Variants in RBL1 observed in about 807,000 individuals in gnomAD.
The protein encoded by RBL1 is retinoblastoma-like protein 1.
Under a neutral mutation model 123.0 loss-of-function variants are expected in RBL1, and 82 were observed. The observed-to-expected ratio is 0.67, with a 90% CI of 0.56 to 0.80. The LOEUF (loss-of-function observed/expected upper bound fraction) is 0.80. Among genes scored for constraint, RBL1 ranks in the 30% least tolerant of loss-of-function variants. The probability of loss-of-function intolerance (pLI) is 0.00; values close to 1 mark genes in which losing one functional copy is unlikely to be tolerated. For synonymous variants in RBL1, 405 were observed against 441.3 expected, an observed-to-expected ratio of 0.92 and a Z score of 1.03; for missense variants, 1,171 against 1,299.6, an observed-to-expected ratio of 0.90 and a Z score of 1.52.
In RBL1 at chr20:37,032,739, T is replaced by C. The variant is rs754070719; in HGVS notation, c.2308A>G (p.Lys770Glu). The C allele has an allele frequency of 2.5e-6, 4 of 1,614,126 alleles. No homozygotes were observed. In the African/African-American group the frequency reaches 4.0e-5, roughly 16 times the overall value. The change falls in exon 16 of 22, where the codon AAA (lysine) becomes GAA (glutamate). Residue 770 changes from lysine to glutamate, a missense_variant. By Grantham distance (56) the Lys-to-Glu change is moderately conservative (BLOSUM62 1). Coordinates refer to ENST00000373664, the MANE Select transcript of RBL1 (RefSeq NM_002895.5). Reference protein sequence around the residue: ...GASPKQTNLTKAQEVHSTGIN... With the variant: ...GASPKQTNLTEAQEVHSTGIN... Reference sequence around the variant, plus strand: ...CCAGTTGAATGTACCTCTTGTGCTTTAGTCAGATTGGTCTGTTTTGGAGAA... The same window carrying C: ...CCAGTTGAATGTACCTCTTGTGCTTCAGTCAGATTGGTCTGTTTTGGAGAA...
At chr20:37,055,866 T>G (rs950584735) in intron 10 of RBL1, among the ~76,000 whole-genome samples, 3 of 152,014 alleles carry the variant, frequency 2.0e-5, no homozygotes, top group Non-Finnish European at 4.4e-5. Flanking sequence ...CTAACCAACA[T>G]GGTGAAACTC....
chr20:37,058,070 C>T (rs551969433), intron 9 of RBL1, among the ~76,000 whole-genome samples: 16 of 143,422 alleles, frequency 1.1e-4, no homozygotes, highest in Non-Finnish European at 1.5e-4. Context: ...GGCTGCAGAT[C>T]GGGCCATTGT....
At chr20:37,005,614 G>T (rs1013693849) in intron 20 of RBL1, among the ~76,000 whole-genome samples, 5 of 152,110 alleles carry the variant, frequency 3.3e-5, no homozygotes, top group African/African-American at 1.2e-4. Context: ...AAATGGAAAA[G>T]ATTTATAAAT....
At chr20:37,020,556 C>A in intron 18 of RBL1, 103 bp downstream of exon 18, 1 of 793,144 alleles carries the variant, frequency 1.3e-6, no homozygotes, top group South Asian at 1.7e-5. Context: ...AACAGAAAAT[C>A]TGAAGTATAT....
intron 7 of RBL1, among the ~76,000 whole-genome samples, chr20:37,063,455 C>T (rs540442531): frequency 6.6e-6 from 1 of 152,128 alleles, no homozygotes; most frequent in African/African-American, 2.4e-5. Flanking sequence ...TAGAGACCAG[C>T]CTGGGCAACA....
chr20:37,007,350 A>G, intron 20 of RBL1, 61 bp downstream of exon 20: 1 of 1,542,272 alleles, frequency 6.5e-7, no homozygotes, highest in African/African-American at 1.4e-5. Flanking sequence ...TAGCAAAATA[A>G]ACTTATAGTA....
chr20:37,055,583 T>G lies in RBL1; in HGVS notation c.1437A>C (p.Glu479Asp). The change falls in exon 11 of 22, where the codon GAA becomes GAC. Residue 479 changes from glutamate (E) to aspartate (D), a missense_variant. Transcript: ENST00000373664. Reference protein sequence around the residue: ...YKILETVMVQETRRLHGMDMS... With the variant: ...YKILETVMVQDTRRLHGMDMS... ...TGTCCATTCCATGAAGTCTTCGTGT[T>G]TCCTGAACCATTACAGTCTCTAGTA... The G allele has an allele frequency of 6.2e-7, 1 of 1,614,164 alleles. No homozygotes were observed. The highest frequency in any genetic ancestry group is 8.5e-7 in the Non-Finnish European group (1 of 1,180,028).
intron 19 of RBL1, among the ~76,000 whole-genome samples, chr20:37,009,016 T>C (rs1174697878): frequency 6.6e-6 from 1 of 152,102 alleles, no homozygotes; most frequent in African/African-American, 2.4e-5. Flanking sequence ...ATAGTCTCTC[T>C]TCCCCCAAAA....
rs189141245 is a variant in RBL1 at position 37,060,065 on chromosome 20, G to A, written c.1250+1038C>T. ...CGCACGCCTGTAATCCCAGCTACTC[G>A]GGAGGCTGAGGCAGGAGAATCACTT... On this transcript the variant is annotated intron_variant, in intron 9 of 21. Coordinates refer to ENST00000373664, the MANE Select transcript of RBL1 (RefSeq NM_002895.5). Among the ~76,000 whole-genome samples, 335 of 151,964 alleles carry A rather than the reference G, an allele frequency of 2.2e-3. 1 individual carries two copies. The highest frequency in any genetic ancestry group is 7.8e-3 in the African/African-American group (323 of 41,462).
At chr20:37,049,473 T>C in intron 11 of RBL1, 1 of 754,536 alleles carries the variant, frequency 1.3e-6, no homozygotes, top group African/African-American at 1.7e-5. Context: ...ATGGTGGTGC[T>C]AAGAAAAGGA....
chr20:37,048,886 G>A (rs957170415), intron 11 of RBL1, among the ~76,000 whole-genome samples: 1 of 146,110 alleles, frequency 6.8e-6, no homozygotes, highest in African/African-American at 2.6e-5. Context: ...GCAACATAGC[G>A]AGACACCATC....
rs565300148 is a variant in RBL1 at position 37,052,318 on chromosome 20, G to A, written c.1467+3235C>T. Among the ~76,000 whole-genome samples, 4 of 151,538 alleles carry A rather than the reference G, an allele frequency of 2.6e-5. No homozygotes were observed. The South Asian group carries it at 6.2e-4, about 24-fold the overall frequency. On this transcript the variant is annotated intron_variant, in intron 11 of 21. Transcript: ENST00000373664. ...AGTGCTGGGATTACAGGCGTGAGCC[G>A]CCGTGCCCAGCCTTATTTATTTATT...
intron 19 of RBL1, among the ~76,000 whole-genome samples, chr20:37,015,439 T>G (rs6030758): frequency 0.3 from 45,234 of 151,414 alleles, 8,313 homozygotes; most frequent in African/African-American, 0.51. Context: ...TGTTGTTGTT[T>G]TTTTTTTTTG....
At chr20:37,022,518 G>C (rs2146229631) in intron 17 of RBL1, 132 bp downstream of exon 17, 1 of 764,006 alleles carries the variant, frequency 1.3e-6, no homozygotes, top group South Asian at 2.5e-5. Flanking sequence ...ATAGAGATGA[G>C]GTTTCACCAT....
intron 9 of RBL1, among the ~76,000 whole-genome samples, chr20:37,058,382 G>A (rs1458966486): frequency 6.6e-6 from 1 of 151,874 alleles, no homozygotes; most frequent in African/African-American, 2.4e-5. Flanking sequence ...TGGGCATGGT[G>A]GCAGGCGCCT....
At chr20:37,081,369 A>C (rs1238446285) in intron 2 of RBL1, among the ~76,000 whole-genome samples, 2 of 152,174 alleles carry the variant, frequency 1.3e-5, no homozygotes, top group Non-Finnish European at 2.9e-5. Flanking sequence ...GCGGTGGCTC[A>C]CACCTGTAAT....
intron 21 of RBL1, among the ~76,000 whole-genome samples, chr20:37,000,579 G>A (rs1357637162): frequency 9.3e-5 from 13 of 139,042 alleles, no homozygotes; most frequent in African/African-American, 1.6e-4. Flanking sequence ...CAGCCGCCCC[G>A]TCCAGGAAGG....
intron 16 of RBL1, among the ~76,000 whole-genome samples, chr20:37,030,730 C>T (rs2064494794): frequency 6.6e-6 from 1 of 151,994 alleles, no homozygotes; most frequent in African/African-American, 2.4e-5. Flanking sequence ...TGGCATATTC[C>T]TGTAGTCCCA....
rs1266591391 is a variant in RBL1 at position 37,035,498 on chromosome 20, T to C, written c.1914A>G (p.Pro638=). 1 of 1,568,552 alleles carries C rather than the reference T, an allele frequency of 6.4e-7. No homozygotes were observed. The highest frequency in any genetic ancestry group is 1.2e-5 in the South Asian group (1 of 83,600). ...GTTCATGGACAGAAATTGGAGACAA[T>C]GGTTGCATATCTAAAAAAAAATAAT... ...DSGSLRRDMQ[P]LSPISVHERY... Residue 638 remains proline, a synonymous_variant, in exon 15 of 22, where the codon CCA becomes CCG. Coordinates refer to ENST00000373664, the MANE Select transcript of RBL1 (RefSeq NM_002895.5).
Sources: allele counts gnomAD v4.1 joint callset (sites outside exome capture counted in the v4.1 genomes callset), GRCh38; gene constraint gnomAD v4.1.1; transcripts MANE v1.5; gene names NCBI Gene and HGNC (gene_info 2026-07-23, HGNC 2026-07-21).